The following PRRX2 variants were observed in gnomAD, a reference collection of about 807,000 sequenced individuals.
PRRX2 encodes paired mesoderm homeobox protein 2.
Under a neutral mutation model 18.0 loss-of-function variants are expected in PRRX2, and 11 were observed. The ratio of observed to expected loss-of-function variants is 0.61; its 90% CI spans 0.39 to 1.01. PRRX2 has a LOEUF of 1.01. Among genes scored for constraint, PRRX2 ranks in the 50% least tolerant of loss-of-function variants. PRRX2 has a pLI of 0.01. For missense variants in PRRX2, 387 were observed against 351.0 expected (o/e 1.10, Z -0.82); for synonymous variants, 177 against 154.8 (o/e 1.14, Z -1.06).
intron 1 of PRRX2, among the ~76,000 whole-genome samples, chr9:129,707,837 G>T (rs1317049962): frequency 1.3e-5 from 2 of 152,102 alleles, no homozygotes; most frequent in African/African-American, 4.8e-5. Context: ...TTGTGTACAG[G>T]TTTTTGTGTG....
intron 3 of PRRX2, among the ~76,000 whole-genome samples, chr9:129,721,231 C>T (rs1247155527): frequency 6.6e-6 from 1 of 152,180 alleles, no homozygotes; most frequent in African/African-American, 2.4e-5. Context: ...CTGTGTCCAC[C>T]CTCCAGACGA....
At chr9:129,717,695 CA>C (rs568330077) in intron 1 of PRRX2, among the ~76,000 whole-genome samples, 15,786 of 82,320 alleles carry the variant, frequency 0.19, 689 homozygotes, top group Non-Finnish European at 0.2. Context: ...GACTCCGCCT[CA>C]AAAAAAAAAA....
chr9:129,708,433 C>T (rs543068091), intron 1 of PRRX2, among the ~76,000 whole-genome samples: 5 of 152,154 alleles, frequency 3.3e-5, no homozygotes, highest in African/African-American at 4.8e-5. Context: ...TGATTTTGAG[C>T]GTCTTTCTGC....
At chr9:129,710,660 G>A (rs1832607336) in intron 1 of PRRX2, among the ~76,000 whole-genome samples, 1 of 152,206 alleles carries the variant, frequency 6.6e-6, no homozygotes, top group African/African-American at 2.4e-5. Flanking sequence ...TTGAACCTGG[G>A]AGGCGGAGAT....
rs772358017 is a variant in PRRX2 at position 129,722,313 on chromosome 9, G to A, written c.723G>A (p.Glu241=). The A allele has an allele frequency of 1.9e-6, 3 of 1,614,068 alleles. No individual in the cohort carries two copies. The highest frequency in any genetic ancestry group is 2.5e-6 in the Non-Finnish European group (3 of 1,180,014). The change falls in exon 4 of 4, where the codon GAG becomes GAA. Residue 241 remains glutamate, a synonymous_variant. Transcript: ENST00000372469. ...SIASLRLKAK[E]FSLHHSQVPT... Reference sequence around the variant, plus strand: ...CCAGCCTCCGTCTCAAGGCCAAGGAGTTCAGCCTGCACCACAGCCAGGTGC... The same window carrying A: ...CCAGCCTCCGTCTCAAGGCCAAGGAATTCAGCCTGCACCACAGCCAGGTGC...
chr9:129,675,466 G>GCC lies in PRRX2; in HGVS notation c.259+9344_259+9345dup, dbSNP rs1554722420. On this transcript the variant is annotated intron_variant, in intron 1 of 3. Transcript: ENST00000372469. The surrounding 1 kb of genome is among the most constrained non-coding windows in gnomAD (Gnocchi z 4.4). ...CTGCTGAGCTGGAGCCACTGGACAAGCCCCCTCCTGGCATCCTGCCGGCAC... is the reference window on the plus strand; with the variant it reads ...CTGCTGAGCTGGAGCCACTGGACAAGCCCCCCCTCCTGGCATCCTGCCGGCAC... 6.6e-6 allele frequency among the ~76,000 whole-genome samples: 1 copy of GCC among 152,084 alleles called. No homozygotes were observed. Among genetic ancestry groups the GCC allele is most frequent in the Non-Finnish European group, 1.5e-5 (1 of 67,962 alleles).
At chr9:129,678,667 A>G (rs922604925) in intron 1 of PRRX2, among the ~76,000 whole-genome samples, 17 of 152,096 alleles carry the variant, frequency 1.1e-4, no homozygotes, top group Non-Finnish European at 2.4e-4. Context: ...GGTGGGAGAG[A>G]GCATGATGGG....
intron 1 of PRRX2, among the ~76,000 whole-genome samples, chr9:129,707,603 C>T (rs569732357): frequency 6.6e-6 from 1 of 152,090 alleles, no homozygotes; most frequent in African/African-American, 2.4e-5. Flanking sequence ...CCAGCCTGGC[C>T]AACATGGTGA....
At chr9:129,704,755 G>T (rs1038454495) in intron 1 of PRRX2, among the ~76,000 whole-genome samples, 2 of 152,292 alleles carry the variant, frequency 1.3e-5, no homozygotes, top group Admixed American at 6.5e-5. Flanking sequence ...CGACAAGAAT[G>T]ACAGGTTTGA....
At chr9:129,694,897 G>A (rs972224950) in intron 1 of PRRX2, among the ~76,000 whole-genome samples, 2 of 152,136 alleles carry the variant, frequency 1.3e-5, no homozygotes, top group Non-Finnish European at 2.9e-5. Flanking sequence ...TTCATGGCTG[G>A]GCCAGCCTTC....
At chr9:129,667,085 G>A (rs1035690184) in intron 1 of PRRX2, among the ~76,000 whole-genome samples, 3 of 152,234 alleles carry the variant, frequency 2.0e-5, no homozygotes, top group African/African-American at 7.2e-5. Flanking sequence ...GAAAACAGAG[G>A]TGGCTGCAGC....
rs921851508 is a variant in PRRX2 at position 129,719,425 on chromosome 9, G to T, written c.447+7G>T. ...CAGCGAGGCGCGCGTTCAGGTGAGC[G>T]CTCAGTCCCGGGCCTCCCGTGGGAG... On this transcript the variant is annotated splice_region_variant and intron_variant, in intron 2 of 3. Coordinates refer to ENST00000372469, the MANE Select transcript of PRRX2 (RefSeq NM_016307.4). The T allele has an allele frequency of 4.6e-6, 7 of 1,517,520 alleles. No individual in the cohort carries two copies. Among genetic ancestry groups the T allele is most frequent in the African/African-American group, 1.4e-5 (1 of 72,328 alleles). 94.0% of individuals were successfully genotyped at this position (1,517,520 alleles called of 1,614,324 possible).
intron 1 of PRRX2, among the ~76,000 whole-genome samples, chr9:129,674,440 G>A (rs573845692): frequency 6.6e-6 from 1 of 152,274 alleles, no homozygotes; most frequent in Admixed American, 6.5e-5. Flanking sequence ...AGGAGTGAGT[G>A]GGGGCAACGG....
chr9:129,665,943 C>G lies in PRRX2; in HGVS notation c.76C>G (p.Leu26Val). 1 of 1,130,706 alleles carries G rather than the reference C, an allele frequency of 8.8e-7. No individual in the cohort carries two copies. The highest frequency in any genetic ancestry group is 2.4e-5 in the South Asian group (1 of 42,508). The allele number at this position is 1,130,706 out of a possible 1,614,324, so 70.0% of individuals were successfully genotyped here. A position where few individuals can be genotyped will look rare whatever the true frequency, so the allele number is the denominator to read the frequency against. Residue 26 changes from leucine (L) to valine (V), a missense_variant, in exon 1 of 4, where the codon CTG becomes GTG. Transcript: ENST00000372469. This position sits in a 1 kb window ranked among gnomAD's most constrained non-coding sequence, Gnocchi z 5.3. ...GGGGCCGCCGCCGCCTCCACCCGCG[C>G]TGGGGCCCGGCGACTGCGCCCAGGC... is the stretch of plus-strand genomic sequence containing the variant. ...GPGPPPPPPA[L>V]GPGDCAQARK... is the part of the protein sequence containing the mutation.
rs147026658 is a variant in PRRX2 at position 129,679,161 on chromosome 9, A to G, written c.259+13035A>G. Among the ~76,000 whole-genome samples the G allele has an allele frequency of 5.3e-5, 8 of 152,292 alleles. 1 individual carries two copies. Among genetic ancestry groups the G allele is most frequent in the African/African-American group, 1.9e-4 (8 of 41,570 alleles). On this transcript the variant is annotated intron_variant, in intron 1 of 3. Coordinates refer to ENST00000372469, the MANE Select transcript of PRRX2 (RefSeq NM_016307.4). ...TGGCTGGTGATGAATTCATGGTGTCAGGGACCCAGGACCAGGGCTGTGTGT... is the reference window on the plus strand; with the variant it reads ...TGGCTGGTGATGAATTCATGGTGTCGGGGACCCAGGACCAGGGCTGTGTGT...
chr9:129,675,844 G>A lies in PRRX2; in HGVS notation c.259+9718G>A, dbSNP rs1258463678. The stretch of plus-strand genomic sequence containing the variant: ...GCCTCTCTCGCCGCCAGAGCTCTGC[G>A]CGGGCCTCCCGTATAAAACCCCGCA... On this transcript the variant is annotated intron_variant, in intron 1 of 3. Coordinates refer to ENST00000372469, the MANE Select transcript of PRRX2 (RefSeq NM_016307.4). The surrounding 1 kb of genome is among the most constrained non-coding windows in gnomAD (Gnocchi z 4.4). Among the ~76,000 whole-genome samples the A allele has an allele frequency of 3.3e-5, 5 of 152,212 alleles. No individual in the cohort carries two copies. The highest frequency in any genetic ancestry group is 4.1e-4 in the South Asian group (2 of 4,836).
chr9:129,697,172 C>G (rs1832436414), intron 1 of PRRX2, among the ~76,000 whole-genome samples: 1 of 152,198 alleles, frequency 6.6e-6, no homozygotes, highest in African/African-American at 2.4e-5. Flanking sequence ...GTTGGATTCC[C>G]TTGCACTCGG....
chr9:129,667,198 T>C (rs1341120785), intron 1 of PRRX2, among the ~76,000 whole-genome samples: 1 of 152,232 alleles, frequency 6.6e-6, no homozygotes, highest in Non-Finnish European at 1.5e-5. Flanking sequence ...ACTGGCTCCC[T>C]CATGGCAGCG....
intron 1 of PRRX2, among the ~76,000 whole-genome samples, chr9:129,717,430 C>T (rs1832722995): frequency 8.0e-6 from 1 of 124,292 alleles, no homozygotes; most frequent in Non-Finnish European, 1.7e-5. Flanking sequence ...GGCATGGTGG[C>T]TCACACCTGT....
Sources: allele counts gnomAD v4.1 joint callset (sites outside exome capture counted in the v4.1 genomes callset), GRCh38; gene constraint gnomAD v4.1.1; non-coding constraint Gnocchi (gnomAD v3.1); transcripts MANE v1.5; gene names NCBI Gene and HGNC (gene_info 2026-07-23, HGNC 2026-07-21).